Variants in FREM2 observed in about 807,000 individuals in gnomAD.
The protein encoded by FREM2 is FRAS1-related extracellular matrix protein 2.
FREM2 carries 119 observed loss-of-function variants against 219.9 expected under a neutral mutation model. The ratio of observed to expected loss-of-function variants is 0.54; its 90% CI spans 0.47 to 0.63. The LOEUF (loss-of-function observed/expected upper bound fraction) is 0.63. Ranked by LOEUF, FREM2 falls within the 30% of genes least tolerant of loss-of-function variation. The probability of loss-of-function intolerance (pLI) is 0.00; values close to 1 mark genes in which losing one functional copy is unlikely to be tolerated. For missense variants in FREM2, 4,030 were observed against 3,993.6 expected (o/e 1.01, Z -0.25); for synonymous variants, 1,562 against 1,522.8 (o/e 1.03, Z -0.60).
Position 38,880,522 on chromosome 13 carries a change from G to T in FREM2, c.9245G>T (p.Arg3082Leu), listed in dbSNP as rs149553690. 1.2e-6 allele frequency: 2 copies of T among 1,614,094 alleles called. No individual in the cohort carries two copies. Among genetic ancestry groups the T allele is most frequent in the African/African-American group, 1.3e-5 (1 of 75,022 alleles). ...GTNIQHIALD[R>L]TKRQIPHGRA... The stretch of plus-strand genomic sequence containing the variant: ...AACATCCAGCACATTGCCCTGGACC[G>T]CACCAAGAGGCAGATCCCCCATGGG... Residue 3082 changes from arginine to leucine, a missense_variant, in exon 24 of 24, where the codon CGC becomes CTC. Physicochemically the swap from Arg to Leu is moderately radical, Grantham distance 102 (BLOSUM62 -2). Around this residue, in one of 2 missense-constraint regions of FREM2, gnomAD observed 928 missense variants for 1,042.9 expected, o/e 0.89. Coordinates refer to ENST00000280481, the MANE Select transcript of FREM2 (RefSeq NM_207361.6).
chr13:38,872,675 T>A lies in FREM2; in HGVS notation c.7984-67T>A. On this transcript the variant is annotated intron_variant, in intron 16 of 23. Transcript: ENST00000280481. ...CAGTTAAGCGAAAAGAGAAAATGGC[T>A]TGTACAAAATTAGGCCCACTTAGTT... The A allele has an allele frequency of 4.5e-6, 6 of 1,339,068 alleles. No individual in the cohort carries two copies. In the South Asian group the frequency reaches 7.1e-5, roughly 16 times the overall value. 82.9% of individuals were successfully genotyped at this position (1,339,068 alleles called of 1,614,324 possible).
rs1265555714 is a variant in FREM2 at position 38,691,969 on chromosome 13, T to C, written c.4625T>C (p.Val1542Ala). ...KKPVVTIHKL[V>A]VSESENKLIT... ...CCAGTGGTCACCATCCACAAGCTGG[T>C]TGTCAGTGAAAGTGAAAACAAGCTG... is the stretch of plus-strand genomic sequence containing the variant. Residue 1542 changes from valine (V) to alanine (A), a missense_variant, in exon 1 of 24, where the codon GTT becomes GCT. Physicochemically the swap from Val to Ala is moderately conservative, Grantham distance 64. Around this residue, in one of 2 missense-constraint regions of FREM2, gnomAD observed 3,102 missense variants for 2,950.7 expected, o/e 1.05. Transcript: ENST00000280481. 6.2e-7 allele frequency: 1 copy of C among 1,614,100 alleles called. No homozygotes were observed. Among genetic ancestry groups the C allele is most frequent in the Non-Finnish European group, 8.5e-7 (1 of 1,180,046 alleles).
chr13:38,712,390 G>T (rs984811998), intron 2 of FREM2, among the ~76,000 whole-genome samples: 2 of 152,098 alleles, frequency 1.3e-5, no homozygotes, highest in Admixed American at 1.3e-4. Flanking sequence ...TGATTAGGCC[G>T]CCTTTGAATC....
chr13:38,726,095 C>T (rs910822032), intron 2 of FREM2, among the ~76,000 whole-genome samples: 2 of 152,106 alleles, frequency 1.3e-5, no homozygotes, highest in African/African-American at 4.8e-5. Flanking sequence ...CATGGAGAGG[C>T]ACCGGTGTTG....
intron 16 of FREM2, among the ~76,000 whole-genome samples, chr13:38,865,966 A>T (rs938504241): frequency 1.3e-5 from 2 of 152,208 alleles, no homozygotes; most frequent in African/African-American, 2.4e-5. Flanking sequence ...TTCAATCCCT[A>T]GAAGAAAAAT....
At chr13:38,727,858 C>T (rs1319893482) in intron 2 of FREM2, among the ~76,000 whole-genome samples, 2 of 152,180 alleles carry the variant, frequency 1.3e-5, no homozygotes, top group African/African-American at 4.8e-5. Flanking sequence ...TGGAACAAAT[C>T]AGAACCATAG....
intron 16 of FREM2, among the ~76,000 whole-genome samples, chr13:38,868,659 T>A (rs2137929861): frequency 6.6e-6 from 1 of 152,296 alleles, no homozygotes; most frequent in African/African-American, 2.4e-5. Flanking sequence ...CCACTGTTGG[T>A]AAAACGGTGC....
chr13:38,838,425 A>C (rs1034056605), intron 6 of FREM2, among the ~76,000 whole-genome samples: 4 of 152,118 alleles, frequency 2.6e-5, no homozygotes, highest in African/African-American at 4.8e-5. Flanking sequence ...GGTGAATCTG[A>C]AGATTATATG....
intron 6 of FREM2, among the ~76,000 whole-genome samples, chr13:38,807,080 C>T (rs1004599449): frequency 6.7e-6 from 1 of 149,736 alleles, no homozygotes. Flanking sequence ...GTTACTTCCT[C>T]CACTGAAGTC....
chr13:38,778,616 G>A (rs187324608), intron 4 of FREM2, among the ~76,000 whole-genome samples: 9 of 152,188 alleles, frequency 5.9e-5, no homozygotes, highest in East Asian at 5.8e-4. Context: ...GACACATAGC[G>A]GGAAACAACA....
chr13:38,748,897 G>T (rs569270839), intron 2 of FREM2, among the ~76,000 whole-genome samples: 1 of 152,162 alleles, frequency 6.6e-6, no homozygotes, highest in African/African-American at 2.4e-5. Context: ...AAGAACAAAG[G>T]TAAGGCTGTG....
In FREM2 at chr13:38,769,668, G is replaced by A; in HGVS notation, c.5501G>A (p.Arg1834Lys). The change falls in exon 4 of 24, where the codon AGG (arginine) becomes AAG (lysine). Residue 1834 changes from arginine to lysine, a missense_variant. Transcript: ENST00000280481. Reference sequence around the variant, plus strand: ...GTGCAGTTCAACCCAGGCCAGACCAGGGCCACATGGCGAGTGCGGATCCTG... The same window carrying A: ...GTGCAGTTCAACCCAGGCCAGACCAAGGCCACATGGCGAGTGCGGATCCTG... ...KQVQFNPGQT[R>K]ATWRVRILSD... 6.2e-7 allele frequency: 1 copy of A among 1,614,210 alleles called. No individual in the cohort carries two copies. Among genetic ancestry groups the A allele is most frequent in the Non-Finnish European group, 8.5e-7 (1 of 1,180,018 alleles).
At chr13:38,762,836 A>C (rs2137807614) in intron 2 of FREM2, among the ~76,000 whole-genome samples, 1 of 152,230 alleles carries the variant, frequency 6.6e-6, no homozygotes, top group African/African-American at 2.4e-5. Flanking sequence ...ATCATGTCTC[A>C]TTTTACGAAG....
At chr13:38,802,570 GC>G (rs1269685735) in intron 6 of FREM2, among the ~76,000 whole-genome samples, 1 of 152,176 alleles carries the variant, frequency 6.6e-6, no homozygotes, top group Non-Finnish European at 1.5e-5. Context: ...CACCCCAATG[GC>G]AGTAAGATTT....
rs1869490379 is a variant in FREM2, at chr13:38,687,216, G to C, written c.-129G>C. The C allele has an allele frequency of 1.8e-5, 24 of 1,332,786 alleles. No homozygotes were observed. The South Asian group carries it at 2.7e-4, about 15-fold the overall frequency. The allele number at this position is 1,332,786 out of a possible 1,614,324, so 82.6% of individuals were successfully genotyped here. ...TTTGCCATCCTTCTGGCCCAGCCCC[G>C]GCTACAGGAGGACCCCGCGGGCAAC... On this transcript the variant is annotated 5_prime_UTR_variant, in exon 1 of 24. Coordinates refer to ENST00000280481, the MANE Select transcript of FREM2 (RefSeq NM_207361.6).
intron 2 of FREM2, among the ~76,000 whole-genome samples, chr13:38,711,863 CAG>C (rs888403985): frequency 1.3e-5 from 2 of 150,196 alleles, no homozygotes; most frequent in African/African-American, 4.9e-5. Flanking sequence ...TGACCACAAA[CAG>C]TTTTAAATGC....
At chr13:38,832,520 A>G (rs1180887386) in intron 6 of FREM2, among the ~76,000 whole-genome samples, 1 of 152,142 alleles carries the variant, frequency 6.6e-6, no homozygotes, top group Non-Finnish European at 1.5e-5. Context: ...GTGGTTTAAC[A>G]TACATTCTTT....
rs368450271 is a variant in FREM2 at position 38,848,598 on chromosome 13, C to T, written c.6307C>T (p.Arg2103Cys). ...EGIEKFELVL[R>C]MPMNAALGEP... ...AATTGAGAAATTTGAACTGGTGCTT[C>T]GCATGCCTATGAACGCAGCCCTTGG... Residue 2103 changes from arginine to cysteine, a missense_variant, in exon 8 of 24, where the codon CGC becomes TGC. Around this residue, in one of 2 missense-constraint regions of FREM2, gnomAD observed 3,102 missense variants for 2,950.7 expected, o/e 1.05. Transcript: ENST00000280481. The T allele has an allele frequency of 9.3e-6, 15 of 1,613,910 alleles. No individual in the cohort carries two copies. The highest frequency in any genetic ancestry group is 4.5e-5 in the East Asian group (2 of 44,866).
chr13:38,876,443 TAG>T, intron 20 of FREM2, 61 bp downstream of exon 20: 3 of 1,367,962 alleles, frequency 2.2e-6, no homozygotes, highest in Non-Finnish European at 3.0e-6. Flanking sequence ...TTTCATTTAT[TAG>T]TAAAAAAAAA....
Sources: gnomAD v4.1 joint callset for allele counts (sites outside exome capture counted in the v4.1 genomes callset) on GRCh38, gnomAD v4.1.1 for gene constraint, gnomAD v4.1.1 regional missense constraint, MANE v1.5 for transcripts, NCBI Gene and HGNC (gene_info 2026-07-23, HGNC 2026-07-21) for gene names.